The following KIF2A variants were observed in gnomAD, a reference collection of about 807,000 sequenced individuals.
KIF2A encodes the protein kinesin-like protein KIF2A.
A neutral mutation model predicts 100.2 loss-of-function variants in KIF2A; 22 were observed. The observed-to-expected ratio is 0.22, with a 90% CI of 0.16 to 0.31. The LOEUF (loss-of-function observed/expected upper bound fraction) is 0.31. Ranked by LOEUF, KIF2A falls within the 10% of genes least tolerant of loss-of-function variation. The probability of loss-of-function intolerance (pLI) is 1.00; values close to 1 mark genes in which losing one functional copy is unlikely to be tolerated. For missense variants in KIF2A, 495 were observed against 898.7 expected (o/e 0.55, Z 5.74); for synonymous variants, 268 against 285.9 (o/e 0.94, Z 0.63).
rs370786223 is a variant in KIF2A, at chr5:62,373,736, A to G, written c.1810A>G (p.Ile604Val). Reference sequence around the variant, plus strand: ...AACTGCTGCTGGTGATGTTCGTCCAATAATGCACCATCCACCAAACCAGAT... The same window carrying G: ...AACTGCTGCTGGTGATGTTCGTCCAGTAATGCACCATCCACCAAACCAGAT... ...DPTAAGDVRP[I>V]MHHPPNQIDD... Residue 604 changes from isoleucine (I) to valine (V), a missense_variant, in exon 18 of 21, where the codon ATA (isoleucine) becomes GTA (valine). By Grantham distance (29) the Ile-to-Val change is conservative (BLOSUM62 3). Around this residue, in one of 10 missense-constraint regions of KIF2A, gnomAD observed 100 missense variants for 138.2 expected, o/e 0.72. Coordinates refer to ENST00000407818, the MANE Select transcript of KIF2A (RefSeq NM_001098511.3). The G allele has an allele frequency of 4.3e-6, 7 of 1,613,490 alleles. No individual in the cohort carries two copies. Among genetic ancestry groups the G allele is most frequent in the Admixed American group, 1.7e-5 (1 of 59,988 alleles).
At chr5:62,326,901 G>A (rs1428448520) in intron 1 of KIF2A, among the ~76,000 whole-genome samples, 4 of 152,108 alleles carry the variant, frequency 2.6e-5, no homozygotes, top group African/African-American at 9.7e-5. Flanking sequence ...GGAGGCTGAG[G>A]TAGGAAGATT....
intron 1 of KIF2A, among the ~76,000 whole-genome samples, chr5:62,326,552 T>G (rs1746387925): frequency 6.6e-6 from 1 of 152,214 alleles, no homozygotes; most frequent in Non-Finnish European, 1.5e-5. Flanking sequence ...TTTGTGCCTC[T>G]TTCCTCCACT....
At chr5:62,314,248 C>T (rs905416679) in intron 1 of KIF2A, among the ~76,000 whole-genome samples, 25 of 152,028 alleles carry the variant, frequency 1.6e-4, no homozygotes, top group Admixed American at 6.5e-5. Context: ...AGGAGGATTG[C>T]TTGAAGCCAG....
At chr5:62,359,936 A>T (rs1237021125) in intron 9 of KIF2A, among the ~76,000 whole-genome samples, 2 of 152,126 alleles carry the variant, frequency 1.3e-5, no homozygotes, top group African/African-American at 4.8e-5. Flanking sequence ...TACAAAACAA[A>T]ACAAAGACAG....
chr5:62,344,186 A>T (rs1372387185), intron 1 of KIF2A, among the ~76,000 whole-genome samples: 1 of 152,158 alleles, frequency 6.6e-6, no homozygotes, highest in African/African-American at 2.4e-5. Flanking sequence ...TCTACTAAAA[A>T]TACAAAAAAT....
At chr5:62,372,602 T>C in intron 17 of KIF2A, 51 bp downstream of exon 17, 5 of 1,031,884 alleles carry the variant, frequency 4.8e-6, no homozygotes, top group Non-Finnish European at 7.3e-6. Flanking sequence ...TTCTTTTGAA[T>C]TGTGCTTTGT....
chr5:62,331,584 C>T (rs956978619), intron 1 of KIF2A, among the ~76,000 whole-genome samples: 3 of 151,344 alleles, frequency 2.0e-5, no homozygotes, highest in Admixed American at 6.6e-5. Flanking sequence ...AGCGAGACTC[C>T]GTCTCAAGAA....
rs1391244099 is a variant in KIF2A, at chr5:62,387,664, G to A, written c.*2095G>A. 1 of 152,106 alleles carries A rather than the reference G, an allele frequency of 6.6e-6. No homozygotes were observed. Among genetic ancestry groups the A allele is most frequent in the African/African-American group, 2.4e-5 (1 of 41,438 alleles). The allele number at this position is 152,106 out of a possible 1,614,324, so 9.4% of individuals were successfully genotyped here. On this transcript the variant is annotated 3_prime_UTR_variant, in exon 21 of 21. Coordinates refer to ENST00000407818, the MANE Select transcript of KIF2A (RefSeq NM_001098511.3). Reference sequence around the variant, plus strand: ...TAGAGGGAAATAACCTGAGAAAGCCGAGTTAAATCTTAAAATTTTTACTAT... The same window carrying A: ...TAGAGGGAAATAACCTGAGAAAGCCAAGTTAAATCTTAAAATTTTTACTAT...
At chr5:62,320,121 G>A (rs943022662) in intron 1 of KIF2A, among the ~76,000 whole-genome samples, 3 of 152,024 alleles carry the variant, frequency 2.0e-5, no homozygotes, top group African/African-American at 4.8e-5. Flanking sequence ...ATATACTGGA[G>A]TGTAATTTAC....
intron 1 of KIF2A, among the ~76,000 whole-genome samples, chr5:62,316,375 C>CT (rs1239810786): frequency 6.6e-6 from 1 of 152,170 alleles, no homozygotes; most frequent in African/African-American, 2.4e-5. Flanking sequence ...CTCTTTTTTA[C>CT]TTTTTCTTTG....
At chr5:62,368,589 C>T (rs543300531) in intron 16 of KIF2A, among the ~76,000 whole-genome samples, 2 of 152,144 alleles carry the variant, frequency 1.3e-5, no homozygotes, top group East Asian at 3.9e-4. Flanking sequence ...CCAGTCTGGG[C>T]AACATAGCAA....
In KIF2A at chr5:62,306,354, CCGGGCCGGCGCGGCCG is replaced by C; in HGVS notation, c.-113_-98del. The stretch of plus-strand genomic sequence containing the variant: ...GCCCCGCTTGCGTTCACGCTGTCGC[CCGGGCCGGCGCGGCCG>C]CGGGCAACCGCTCCCCCTCCCACAC... On this transcript the variant is annotated 5_prime_UTR_variant, in exon 1 of 21. Coordinates refer to ENST00000407818, the MANE Select transcript of KIF2A (RefSeq NM_001098511.3). 1 of 804,248 alleles carries C rather than the reference CCGGGCCGGCGCGGCCG, an allele frequency of 1.2e-6. No homozygotes were observed. The highest frequency in any genetic ancestry group is 2.0e-6 in the Non-Finnish European group (1 of 495,744). 49.8% of individuals were successfully genotyped at this position (804,248 alleles called of 1,614,324 possible).
At chr5:62,327,714 G>A (rs1442090902) in intron 1 of KIF2A, among the ~76,000 whole-genome samples, 1 of 152,128 alleles carries the variant, frequency 6.6e-6, no homozygotes. Flanking sequence ...GTGGTAAAAG[G>A]GCTTAGAAGA....
intron 1 of KIF2A, among the ~76,000 whole-genome samples, chr5:62,334,857 G>A (rs1746854309): frequency 6.6e-6 from 1 of 152,142 alleles, no homozygotes; most frequent in African/African-American, 2.4e-5. Flanking sequence ...CCCTCAGGTG[G>A]GTAGCCCCTG....
rs77460186 is a variant in KIF2A at position 62,358,369 on chromosome 5, A to C, written c.872+70A>C. 12,635 of 995,028 alleles carry C rather than the reference A, an allele frequency of 0.013. 896 individuals are homozygous for C. The African/African-American group carries it at 0.17, about 13-fold the overall frequency. 61.6% of individuals were successfully genotyped at this position (995,028 alleles called of 1,614,324 possible). ...TGGTCATCAGCACCTTGAAATTTAC[A>C]TTGATTGTGGGATATTTCTTAAGAG... is the stretch of plus-strand genomic sequence containing the variant. On this transcript the variant is annotated intron_variant, in intron 9 of 20. Transcript: ENST00000407818.
rs1742206779 is a variant in KIF2A at position 62,389,621 on chromosome 5, T to G, written c.*4052T>G. Among the ~76,000 whole-genome samples, 1 of 152,178 alleles carries G rather than the reference T, an allele frequency of 6.6e-6. No individual in the cohort carries two copies. Among genetic ancestry groups the G allele is most frequent in the South Asian group, 2.1e-4 (1 of 4,834 alleles). On this transcript the variant is annotated 3_prime_UTR_variant, in exon 21 of 21. Coordinates refer to ENST00000407818, the MANE Select transcript of KIF2A (RefSeq NM_001098511.3). Reference sequence around the variant, plus strand: ...AATTTGACTAAAATTATCTTAGACTTTCATTATCCCAGGCCTAAGAACTCA... The same window carrying G: ...AATTTGACTAAAATTATCTTAGACTGTCATTATCCCAGGCCTAAGAACTCA...
At chr5:62,335,771 G>A (rs568493255) in intron 1 of KIF2A, among the ~76,000 whole-genome samples, 2 of 152,150 alleles carry the variant, frequency 1.3e-5, no homozygotes, top group South Asian at 2.1e-4. Flanking sequence ...CCTTGCAGGT[G>A]TTTTTTGTTT....
At position 62,388,738 on chromosome 5, in the gene KIF2A, A is replaced by G. The variant is rs1742153909; in HGVS notation, c.*3169A>G. ...ATCTTTATACAATAAACTGTTAGAA[A>G]TGATAAGTGTAAAGTTGTGCGTCTC... On this transcript the variant is annotated 3_prime_UTR_variant, in exon 21 of 21. Transcript: ENST00000407818. 2.3e-6 allele frequency: 1 copy of G among 435,150 alleles called. No individual in the cohort carries two copies. Among genetic ancestry groups the G allele is most frequent in the African/African-American group, 2.0e-5 (1 of 49,400 alleles). The allele number at this position is 435,150 out of a possible 1,614,324, so 27.0% of individuals were successfully genotyped here.
intron 9 of KIF2A, 151 bp from the exon 10 acceptor site, chr5:62,361,091 C>T (rs543299064): frequency 2.1e-5 from 10 of 485,490 alleles, no homozygotes; most frequent in Admixed American, 1.5e-4. Context: ...ATCAATTCTT[C>T]GATATTGTTA....
Sources: gnomAD v4.1 joint callset for allele counts (sites outside exome capture counted in the v4.1 genomes callset) on GRCh38, gnomAD v4.1.1 for gene constraint, gnomAD v4.1.1 regional missense constraint, MANE v1.5 for transcripts, NCBI Gene and HGNC (gene_info 2026-07-23, HGNC 2026-07-21) for gene names.